The following CNTNAP2 variants were observed in gnomAD, a reference collection of about 807,000 sequenced individuals.
CNTNAP2 encodes the protein contactin-associated protein-like 2.
Under a neutral mutation model 155.2 loss-of-function variants are expected in CNTNAP2, and 98 were observed. The observed-to-expected ratio is 0.63, with a 90% CI of 0.54 to 0.75. The LOEUF is 0.75. Ranked by LOEUF, CNTNAP2 falls within the 30% of genes least tolerant of loss-of-function variation. The pLI, the probability that CNTNAP2 is intolerant of heterozygous loss-of-function variation, is 0.00. For missense variants in CNTNAP2, 1,727 were observed against 1,688.1 expected, an observed-to-expected ratio of 1.02 and a Z score of -0.40; for synonymous variants, 651 against 631.2, an observed-to-expected ratio of 1.03 and a Z score of -0.47.
chr7:148,108,985 A>G (rs766863428), intron 15 of CNTNAP2, among the ~76,000 whole-genome samples: 3 of 152,208 alleles, frequency 2.0e-5, no homozygotes, highest in Non-Finnish European at 4.4e-5. Flanking sequence ...GATTTCTAAA[A>G]AAGCATTAGT....
At chr7:148,395,257 A>G (rs1585339622) in intron 22 of CNTNAP2, among the ~76,000 whole-genome samples, 1 of 138,184 alleles carries the variant, frequency 7.2e-6, no homozygotes, top group African/African-American at 2.7e-5. Flanking sequence ...CTGGCCTCTA[A>G]CTTTCTAATT....
At chr7:146,573,347 T>C (rs1409107679) in intron 1 of CNTNAP2, among the ~76,000 whole-genome samples, 1 of 152,118 alleles carries the variant, frequency 6.6e-6, no homozygotes, top group Admixed American at 6.5e-5. Flanking sequence ...TTCACCACGT[T>C]GGCCAGGATG....
chr7:147,036,981 C>T (rs1163624840), intron 3 of CNTNAP2, among the ~76,000 whole-genome samples: 1 of 151,946 alleles, frequency 6.6e-6, no homozygotes, highest in Non-Finnish European at 1.5e-5. Context: ...AATAAGATGC[C>T]CCCTAGCTGA....
At chr7:147,111,380 CATCTGTCA>C (rs1307958721) in intron 5 of CNTNAP2, among the ~76,000 whole-genome samples, 1 of 152,168 alleles carries the variant, frequency 6.6e-6, no homozygotes, top group Admixed American at 6.6e-5. Flanking sequence ...AATTATATCC[CATCTGTCA>C]ATTTTTGCTT....
intron 12 of CNTNAP2, 28 bp downstream of exon 12, chr7:147,562,285 A>T: frequency 1.2e-6 from 2 of 1,612,830 alleles, no homozygotes; most frequent in Non-Finnish European, 1.7e-6. Context: ...ATGTTTTATG[A>T]AGATGCTTTT....
At chr7:146,899,446 G>A (rs1428683017) in intron 3 of CNTNAP2, among the ~76,000 whole-genome samples, 1 of 151,994 alleles carries the variant, frequency 6.6e-6, no homozygotes, top group Non-Finnish European at 1.5e-5. Flanking sequence ...AGTTGAATAA[G>A]CCAGAAGCCA....
chr7:146,616,004 G>A (rs536526894), intron 1 of CNTNAP2, among the ~76,000 whole-genome samples: 1 of 152,168 alleles, frequency 6.6e-6, no homozygotes, highest in Non-Finnish European at 1.5e-5. Flanking sequence ...TCCAGTGCTG[G>A]AAGTTAGAAT....
chr7:146,948,341 G>C (rs971115290), intron 3 of CNTNAP2, among the ~76,000 whole-genome samples: 2 of 80,712 alleles, frequency 2.5e-5, no homozygotes, highest in Non-Finnish European at 6.3e-5. Flanking sequence ...AGAAAATTAA[G>C]TTCATGATGT....
At chr7:146,873,843 G>A (rs1795366512) in intron 3 of CNTNAP2, among the ~76,000 whole-genome samples, 2 of 152,060 alleles carry the variant, frequency 1.3e-5, no homozygotes, top group Admixed American at 1.3e-4. Context: ...GTCAAATTTT[G>A]AGTGACTATT....
intron 1 of CNTNAP2, among the ~76,000 whole-genome samples, chr7:146,711,299 A>G (rs1474103261): frequency 6.8e-6 from 1 of 146,538 alleles, no homozygotes. Context: ...AAACATACAT[A>G]TATGTATATA....
At chr7:146,287,719 T>C (rs1800359829) in intron 1 of CNTNAP2, among the ~76,000 whole-genome samples, 1 of 152,182 alleles carries the variant, frequency 6.6e-6, no homozygotes, top group Admixed American at 6.5e-5. Context: ...ATAGAGTTGA[T>C]ATGACAAGAT....
At chr7:146,234,817 G>A (rs1182130759) in intron 1 of CNTNAP2, among the ~76,000 whole-genome samples, 2 of 152,190 alleles carry the variant, frequency 1.3e-5, no homozygotes, top group African/African-American at 4.8e-5. Context: ...AACTTTACCA[G>A]GTAGCACTGC....
At chr7:146,979,668 A>C (rs80341840) in intron 3 of CNTNAP2, among the ~76,000 whole-genome samples, 2,151 of 152,308 alleles carry the variant, frequency 0.014, 50 homozygotes, top group African/African-American at 0.045. Flanking sequence ...GTCCAAAAAA[A>C]TGTTTGTTGA....
intron 1 of CNTNAP2, among the ~76,000 whole-genome samples, chr7:146,598,043 C>CCTCAG (rs111704454): frequency 5.3e-5 from 8 of 152,160 alleles, no homozygotes; most frequent in African/African-American, 1.9e-4. Context: ...CTTGGATAAA[C>CCTCAG]CTCAGCTCAC....
chr7:148,329,234 G>A (rs534437344), intron 21 of CNTNAP2, among the ~76,000 whole-genome samples: 4 of 152,170 alleles, frequency 2.6e-5, no homozygotes, highest in South Asian at 2.1e-4. Flanking sequence ...TTTGCTAGTC[G>A]GCTAAAAAGT....
At chr7:147,944,859 A>G (rs1440723515) in intron 14 of CNTNAP2, among the ~76,000 whole-genome samples, 1 of 152,172 alleles carries the variant, frequency 6.6e-6, no homozygotes, top group African/African-American at 2.4e-5. Flanking sequence ...TTTGTAGATA[A>G]TCCTTCTAGC....
intron 15 of CNTNAP2, among the ~76,000 whole-genome samples, chr7:147,996,963 C>T (rs541745166): frequency 6.6e-6 from 1 of 152,176 alleles, no homozygotes; most frequent in South Asian, 2.1e-4. Context: ...TGAGGCCACT[C>T]CCATTAATGG....
At chr7:147,480,482 A>C (rs1234430975) in intron 10 of CNTNAP2, among the ~76,000 whole-genome samples, 1 of 152,356 alleles carries the variant, frequency 6.6e-6, no homozygotes, top group East Asian at 1.9e-4. Context: ...ACTTGATTTT[A>C]TGAAGAAGTG....
intron 15 of CNTNAP2, among the ~76,000 whole-genome samples, chr7:148,067,129 C>T (rs183005838): frequency 1.3e-5 from 2 of 152,290 alleles, no homozygotes; most frequent in African/African-American, 4.8e-5. Flanking sequence ...TTGGTTTGAA[C>T]CCATTGCTGG....
Sources: allele counts gnomAD v4.1 joint callset (sites outside exome capture counted in the v4.1 genomes callset), GRCh38; gene constraint gnomAD v4.1.1; transcripts MANE v1.5; gene names NCBI Gene and HGNC (gene_info 2026-07-23, HGNC 2026-07-21).